The following ATP11B variants were observed in gnomAD, a reference collection of about 807,000 sequenced individuals.
The protein encoded by ATP11B is ATPase phospholipid transporting 11B (putative).
Under a neutral mutation model 157.8 loss-of-function variants are expected in ATP11B, and 81 were observed. The ratio of observed to expected loss-of-function variants is 0.51; its 90% CI spans 0.43 to 0.62. The LOEUF (loss-of-function observed/expected upper bound fraction) is 0.62. Ranked by LOEUF, ATP11B falls within the 20% of genes least tolerant of loss-of-function variation. ATP11B has a pLI of 0.00. For missense variants in ATP11B, 1,165 were observed against 1,402.2 expected (o/e 0.83, Z 2.70); for synonymous variants, 451 against 469.4 (o/e 0.96, Z 0.51).
At chr3:182,905,590 A>G (rs1724288070) in intron 28 of ATP11B, among the ~76,000 whole-genome samples, 1 of 152,220 alleles carries the variant, frequency 6.6e-6, no homozygotes, top group African/African-American at 2.4e-5. Context: ...CGTGCACTGA[A>G]AAATCATGGC....
chr3:182,858,117 C>T (rs1170555751), intron 11 of ATP11B, 89 bp downstream of exon 11: 4 of 1,169,728 alleles, frequency 3.4e-6, no homozygotes, highest in Non-Finnish European at 4.8e-6. Flanking sequence ...TTGGAGAGAC[C>T]ACTGTAATCC....
intron 25 of ATP11B, among the ~76,000 whole-genome samples, chr3:182,893,910 G>A (rs1453555914): frequency 1.3e-5 from 2 of 152,118 alleles, no homozygotes; most frequent in African/African-American, 4.8e-5. Context: ...ATCACATTGT[G>A]GTTTTGATAT....
chr3:182,810,464 C>A (rs1166267952), intron 1 of ATP11B, among the ~76,000 whole-genome samples: 1 of 151,226 alleles, frequency 6.6e-6, no homozygotes, highest in Non-Finnish European at 1.5e-5. Flanking sequence ...TTCTCTTTAC[C>A]CTGCGTAGAC....
At chr3:182,853,983 A>G (rs1350597848) in intron 10 of ATP11B, among the ~76,000 whole-genome samples, 1 of 152,210 alleles carries the variant, frequency 6.6e-6, no homozygotes, top group Admixed American at 6.5e-5. Context: ...GAAGTAGACC[A>G]TTCATGTGTG....
In ATP11B at chr3:182,842,071, A is replaced by G. The variant is rs372223959; in HGVS notation, c.657-4A>G. ...ATGTTTTTGTAATGTGAATTTTTTG[A>G]TAGATTCATGGGACGAATGATCATA... On this transcript the variant is annotated splice_polypyrimidine_tract_variant and splice_region_variant and intron_variant, in intron 7 of 29. Transcript: ENST00000323116. The G allele has an allele frequency of 6.3e-7, 1 of 1,578,558 alleles. No homozygotes were observed. The highest frequency in any genetic ancestry group is 8.7e-7 in the Non-Finnish European group (1 of 1,154,958).
intron 1 of ATP11B, among the ~76,000 whole-genome samples, chr3:182,800,413 G>A (rs898843013): frequency 6.6e-6 from 1 of 151,680 alleles, no homozygotes; most frequent in African/African-American, 2.4e-5. Context: ...AAATTGTAGA[G>A]GTGGGGGTCT....
chr3:182,878,152 A>G (rs914752001), intron 19 of ATP11B, among the ~76,000 whole-genome samples: 4 of 152,250 alleles, frequency 2.6e-5, no homozygotes, highest in African/African-American at 7.2e-5. Flanking sequence ...ATAAAACTTT[A>G]TGGTATAAAG....
At chr3:182,872,198 C>T (rs1721715266) in intron 17 of ATP11B, among the ~76,000 whole-genome samples, 158 bp from the exon 18 acceptor site, 1 of 152,188 alleles carries the variant, frequency 6.6e-6, no homozygotes, top group African/African-American at 2.4e-5. Context: ...AGCTTTGTGA[C>T]ATTATTTATT....
At chr3:182,828,549 G>A (rs1362463712) in intron 3 of ATP11B, among the ~76,000 whole-genome samples, 2 of 151,450 alleles carry the variant, frequency 1.3e-5, no homozygotes, top group East Asian at 1.9e-4. Flanking sequence ...TCATATTTTC[G>A]GTACATTTCT....
Position 182,897,289 on chromosome 3 carries a change from A to C in ATP11B, c.3049-14A>C. 1 of 1,504,410 alleles carries C rather than the reference A, an allele frequency of 6.6e-7. No individual in the cohort carries two copies. The allele number at this position is 1,504,410 out of a possible 1,614,324, so 93.2% of individuals were successfully genotyped here. Reference sequence around the variant, plus strand: ...TTTGTTTATATTTCTAAGGATATAAAAACTTTTTTTTAGATGGCTCTGGAA... The same window carrying C: ...TTTGTTTATATTTCTAAGGATATAACAACTTTTTTTTAGATGGCTCTGGAA... On this transcript the variant is annotated splice_polypyrimidine_tract_variant and intron_variant, in intron 26 of 29. Coordinates refer to ENST00000323116, the MANE Select transcript of ATP11B (RefSeq NM_014616.3).
At chr3:182,865,272 C>G (rs556013318) in intron 12 of ATP11B, among the ~76,000 whole-genome samples, 184 bp from the exon 13 acceptor site, 31 of 152,262 alleles carry the variant, frequency 2.0e-4, no homozygotes, top group African/African-American at 7.0e-4. Flanking sequence ...TTGTGTTACC[C>G]TGTTTTCTTT....
chr3:182,832,039 T>G (rs1288392539), intron 4 of ATP11B, among the ~76,000 whole-genome samples: 1 of 152,146 alleles, frequency 6.6e-6, no homozygotes, highest in East Asian at 1.9e-4. Flanking sequence ...TGTCCTTATT[T>G]CCCAATGTAT....
chr3:182,799,518 G>A (rs1467753237), intron 1 of ATP11B, among the ~76,000 whole-genome samples: 1 of 151,744 alleles, frequency 6.6e-6, no homozygotes. Flanking sequence ...CTCATGATCC[G>A]CCCGCCTCGG....
intron 19 of ATP11B, among the ~76,000 whole-genome samples, chr3:182,879,046 G>A (rs1376541320): frequency 6.6e-6 from 1 of 152,162 alleles, no homozygotes; most frequent in Admixed American, 6.5e-5. Flanking sequence ...GCTGAGACAG[G>A]CAGATCGCTT....
In ATP11B at chr3:182,887,771, GATTT is replaced by G. The variant is rs1446396087; in HGVS notation, c.2843+65_2843+68del. The G allele has an allele frequency of 3.3e-6, 5 of 1,532,524 alleles. No homozygotes were observed. In the African/African-American group the frequency reaches 5.6e-5, roughly 17 times the overall value. The allele number at this position is 1,532,524 out of a possible 1,614,324, so 94.9% of individuals were successfully genotyped here. A position where few individuals can be genotyped will look rare whatever the true frequency, so the allele number is the denominator to read the frequency against. ...AGTTTTTTTAAGTAAAAAATAAGCA[GATTT>G]ATTTATGTCTTGGTGATTAATGCTT... On this transcript the variant is annotated intron_variant, in intron 24 of 29. Coordinates refer to ENST00000323116, the MANE Select transcript of ATP11B (RefSeq NM_014616.3).
intron 21 of ATP11B, among the ~76,000 whole-genome samples, chr3:182,881,892 A>G (rs1722452248): frequency 1.3e-5 from 2 of 152,216 alleles, no homozygotes; most frequent in South Asian, 4.1e-4. Flanking sequence ...ACTGCGATAA[A>G]CACAACATCT....
At chr3:182,845,016 A>ATTTTTTT (rs1719388347) in intron 8 of ATP11B, among the ~76,000 whole-genome samples, 3 of 79,848 alleles carry the variant, frequency 3.8e-5, no homozygotes, top group African/African-American at 1.0e-4. Context: ...ATTTTTTTTT[A>ATTTTTTT]TTTTTGAGAT....
rs1278975884 is a variant in ATP11B, at chr3:182,866,516, T to G, written c.1619+73T>G. ...AATGTAACAATATTAGAATCATCAT[T>G]TAAAATTTTCAAACATAAATTCGTC... On this transcript the variant is annotated intron_variant, in intron 14 of 29. Coordinates refer to ENST00000323116, the MANE Select transcript of ATP11B (RefSeq NM_014616.3). The G allele has an allele frequency of 1.6e-5, 21 of 1,273,374 alleles. No homozygotes were observed. The South Asian group carries it at 3.8e-4, about 23-fold the overall frequency. 78.9% of individuals were successfully genotyped at this position (1,273,374 alleles called of 1,614,324 possible). A position where few individuals can be genotyped will look rare whatever the true frequency, so the allele number is the denominator to read the frequency against.
chr3:182,918,200 T>C lies in ATP11B; in HGVS notation c.*96T>C, dbSNP rs1353426057. On this transcript the variant is annotated 3_prime_UTR_variant, in exon 30 of 30. Coordinates refer to ENST00000323116, the MANE Select transcript of ATP11B (RefSeq NM_014616.3). ...GGCCACACTAGCTCTGAAATTAATT[T>C]CCAAAATCTTTGTAGTAGTTCATAC... The C allele has an allele frequency of 6.5e-7, 1 of 1,546,050 alleles. No individual in the cohort carries two copies. The highest frequency in any genetic ancestry group is 8.7e-7 in the Non-Finnish European group (1 of 1,142,908).
Sources: allele counts gnomAD v4.1 joint callset (sites outside exome capture counted in the v4.1 genomes callset), GRCh38; gene constraint gnomAD v4.1.1; transcripts MANE v1.5; gene names NCBI Gene and HGNC (gene_info 2026-07-23, HGNC 2026-07-21).